The following EVI5 variants were observed in gnomAD, a reference collection of about 807,000 sequenced individuals.
EVI5 encodes ecotropic viral integration site 5 protein homolog.
A neutral mutation model predicts 112.0 loss-of-function variants in EVI5; 73 were observed. That is an observed-to-expected ratio of 0.65 (90% CI 0.54 to 0.79). The LOEUF (loss-of-function observed/expected upper bound fraction) is 0.79, where lower values mean the gene tolerates loss of function less well. Among genes scored for constraint, EVI5 ranks in the 30% least tolerant of loss-of-function variants. The probability of loss-of-function intolerance (pLI) is 0.00; values close to 1 mark genes in which losing one functional copy is unlikely to be tolerated. For missense variants in EVI5, 900 were observed against 968.8 expected, an observed-to-expected ratio of 0.93 and a Z score of 0.94; for synonymous variants, 305 against 319.9, an observed-to-expected ratio of 0.95 and a Z score of 0.50.
chr1:92,784,409 G>A (rs1685317462), intron 1 of EVI5: 1 of 985,258 alleles, frequency 1.0e-6, no homozygotes, highest in Non-Finnish European at 1.2e-6. Flanking sequence ...CGGAGGCCAA[G>A]TAAAGACGCC....
rs998362920 is a variant in EVI5 at position 92,549,531 on chromosome 1, CA to C, written c.2166+14110del. Among the ~76,000 whole-genome samples the C allele has an allele frequency of 5.9e-5, 9 of 151,768 alleles. 1 individual carries two copies. The highest frequency in any genetic ancestry group is 3.9e-4 in the Admixed American group (6 of 15,244). On this transcript the variant is annotated intron_variant, in intron 19 of 19. Coordinates refer to ENST00000684568, the MANE Select transcript of EVI5 (RefSeq NM_001350197.2). ...ATTAAACTAAAGAGCTTCTGCACAG[CA>C]AAAGAAACTACCATCAGAGTGAACA...
intron 9 of EVI5, among the ~76,000 whole-genome samples, chr1:92,688,472 T>G (rs2102421500): frequency 6.6e-6 from 1 of 152,308 alleles, no homozygotes; most frequent in East Asian, 1.9e-4. Flanking sequence ...ATTCTGAAAT[T>G]GTTCATTTTG....
At chr1:92,706,960 T>C (rs1056677536) in intron 2 of EVI5, among the ~76,000 whole-genome samples, 1 of 151,952 alleles carries the variant, frequency 6.6e-6, no homozygotes, top group African/African-American at 2.4e-5. Context: ...GGCGGGCGGA[T>C]GACCTGAGGT....
chr1:92,527,371 T>C (rs559647666), intron 19 of EVI5, among the ~76,000 whole-genome samples: 114 of 133,876 alleles, frequency 8.5e-4, no homozygotes, highest in African/African-American at 3.1e-3. Flanking sequence ...GCTGAGATGG[T>C]GCCACTGCAC....
chr1:92,701,772 T>G (rs12731107), intron 5 of EVI5, among the ~76,000 whole-genome samples: 1 of 150,874 alleles, frequency 6.6e-6, no homozygotes, highest in Admixed American at 6.6e-5. Context: ...TCTCTAAAGA[T>G]GTTGTACAAT....
chr1:92,621,403 C>A (rs894169233), intron 16 of EVI5, among the ~76,000 whole-genome samples: 3 of 152,218 alleles, frequency 2.0e-5, no homozygotes, highest in African/African-American at 7.2e-5. Flanking sequence ...CCTCCACCTA[C>A]CGGGTTCAAC....
chr1:92,572,171 A>G (rs1419186356), intron 18 of EVI5, among the ~76,000 whole-genome samples: 1 of 152,144 alleles, frequency 6.6e-6, no homozygotes, highest in Non-Finnish European at 1.5e-5. Flanking sequence ...GAGGTTCTTA[A>G]TCAAATGGTC....
At chr1:92,716,252 CAG>C (rs1215820203) in intron 2 of EVI5, among the ~76,000 whole-genome samples, 1 of 152,154 alleles carries the variant, frequency 6.6e-6, no homozygotes, top group Non-Finnish European at 1.5e-5. Context: ...CCCTCTGGGA[CAG>C]AGCTTCCAGA....
intron 9 of EVI5, among the ~76,000 whole-genome samples, chr1:92,682,259 T>C (rs1667716003): frequency 6.6e-6 from 1 of 152,160 alleles, no homozygotes; most frequent in Admixed American, 6.5e-5. Context: ...TCAAATAGTA[T>C]CTTACCGGCC....
chr1:92,596,309 G>A (rs184455954), intron 18 of EVI5, among the ~76,000 whole-genome samples: 21 of 152,240 alleles, frequency 1.4e-4, no homozygotes, highest in East Asian at 9.7e-4. Flanking sequence ...ACAATGAGCC[G>A]TGACTGCGCC....
At chr1:92,778,100 G>A (rs1684391508) in intron 1 of EVI5, among the ~76,000 whole-genome samples, 1 of 151,988 alleles carries the variant, frequency 6.6e-6, no homozygotes, top group African/African-American at 2.4e-5. Flanking sequence ...GTAGAGACGG[G>A]GTTTCACCAT....
intron 19 of EVI5, among the ~76,000 whole-genome samples, chr1:92,553,764 A>T (rs558195229): frequency 6.6e-6 from 1 of 152,190 alleles, no homozygotes; most frequent in South Asian, 2.1e-4. Context: ...TTTTTCCCAG[A>T]CTACAGTATG....
In EVI5 at chr1:92,705,751, C is replaced by G. The variant is rs562288285; in HGVS notation, c.150-1007G>C. Among the ~76,000 whole-genome samples the G allele has an allele frequency of 4.6e-5, 7 of 152,300 alleles. 1 individual carries two copies. The South Asian group carries it at 1.2e-3, about 27-fold the overall frequency. On this transcript the variant is annotated intron_variant, in intron 2 of 19. Transcript: ENST00000684568. Reference sequence around the variant, plus strand: ...CTATCACTATTTTATATAGCTACTACTCACTTCCAGTAATTCTTCAGGAAA... The same window carrying G: ...CTATCACTATTTTATATAGCTACTAGTCACTTCCAGTAATTCTTCAGGAAA...
intron 10 of EVI5, among the ~76,000 whole-genome samples, chr1:92,674,254 A>C (rs2102291772): frequency 6.6e-6 from 1 of 152,346 alleles, no homozygotes; most frequent in East Asian, 1.9e-4. Flanking sequence ...TCAGGGTCTA[A>C]GTAAAAAAAT....
chr1:92,744,594 TCTCTCTCACACACACACACACACA>T (rs1678974141), intron 1 of EVI5, among the ~76,000 whole-genome samples: 1 of 133,924 alleles, frequency 7.5e-6, no homozygotes, highest in African/African-American at 3.0e-5. Flanking sequence ...TATCTCTCTC[TCTCTCTCACACACACACACACACA>T]CACACACACA....
intron 13 of EVI5, among the ~76,000 whole-genome samples, chr1:92,641,706 G>T (rs1553222346): frequency 6.6e-6 from 1 of 152,104 alleles, no homozygotes; most frequent in Non-Finnish European, 1.5e-5. Flanking sequence ...ATAAAAAGTT[G>T]TATCTTCCTC....
intron 19 of EVI5, among the ~76,000 whole-genome samples, chr1:92,548,932 C>T (rs1162176638): frequency 2.0e-5 from 3 of 151,944 alleles, no homozygotes; most frequent in Non-Finnish European, 4.4e-5. Context: ...CAAGGTAATT[C>T]ATACATTCAA....
intron 9 of EVI5, among the ~76,000 whole-genome samples, chr1:92,683,527 G>A (rs1047922508): frequency 6.6e-6 from 1 of 152,188 alleles, no homozygotes; most frequent in Non-Finnish European, 1.5e-5. Context: ...CTCCTCGCCA[G>A]CAAGGGAACA....
chr1:92,523,408 A>G (rs977469095), intron 19 of EVI5, among the ~76,000 whole-genome samples: 8 of 152,014 alleles, frequency 5.3e-5, no homozygotes, highest in Admixed American at 3.3e-4. Flanking sequence ...TGAAATAGTT[A>G]TATTTCAACA....
Sources: allele counts gnomAD v4.1 joint callset (sites outside exome capture counted in the v4.1 genomes callset), GRCh38; gene constraint gnomAD v4.1.1; transcripts MANE v1.5; gene names NCBI Gene and HGNC (gene_info 2026-07-23, HGNC 2026-07-21).